HCN1: variants seen among roughly 807,000 people sequenced by gnomAD.
The protein encoded by HCN1 is potassium/sodium hyperpolarization-activated cyclic nucleotide-gated channel 1.
Under a neutral mutation model 78.9 loss-of-function variants are expected in HCN1, and 13 were observed. That is an observed-to-expected ratio of 0.16 (90% CI 0.11 to 0.26). The LOEUF (loss-of-function observed/expected upper bound fraction) is 0.26. HCN1 is among the 10% of genes least tolerant of loss of function. The pLI is 1.00. For synonymous variants in HCN1, 552 were observed against 455.5 expected, an observed-to-expected ratio of 1.21 and a Z score of -2.70; for missense variants, 810 against 1,154.3, an observed-to-expected ratio of 0.70 and a Z score of 4.32.
chr5:45,585,164 C>T (rs1414196515), intron 2 of HCN1, among the ~76,000 whole-genome samples: 1 of 152,214 alleles, frequency 6.6e-6, no homozygotes, highest in African/African-American at 2.4e-5. Context: ...TTCAGGTACA[C>T]CAATCAGATG....
rs190451998 is a variant in HCN1 at position 45,398,640 on chromosome 5, C to A, written c.1012-1930G>T. 2.7e-3 allele frequency among the ~76,000 whole-genome samples: 408 copies of A among 152,116 alleles called. 2 individuals carry two copies. Among genetic ancestry groups the A allele is most frequent in the African/African-American group, 9.1e-3 (377 of 41,508 alleles). ...TGATATTTCCTGTAACTTGTCAAGG[C>A]CGTGCAAAAAATTGAAAGTAGTTTC... On this transcript the variant is annotated intron_variant, in intron 3 of 7. Transcript: ENST00000303230.
At chr5:45,664,915 G>A (rs1193664159) in intron 1 of HCN1, among the ~76,000 whole-genome samples, 4 of 151,870 alleles carry the variant, frequency 2.6e-5, no homozygotes, top group African/African-American at 9.7e-5. Flanking sequence ...TCTAGAACTA[G>A]AAATACCATT....
intron 2 of HCN1, among the ~76,000 whole-genome samples, chr5:45,582,657 T>G (rs190456857): frequency 3.3e-5 from 5 of 152,192 alleles, no homozygotes; most frequent in Admixed American, 1.3e-4. Flanking sequence ...GGCTGTGGGT[T>G]TGTCATAGAT....
chr5:45,589,581 T>C lies in HCN1; in HGVS notation c.849+55604A>G, dbSNP rs57141339. Among the ~76,000 whole-genome samples the C allele has an allele frequency of 8.6e-3, 1,313 of 152,270 alleles. 27 individuals carry two copies. Among genetic ancestry groups the C allele is most frequent in the African/African-American group, 0.031 (1,286 of 41,550 alleles). On this transcript the variant is annotated intron_variant, in intron 2 of 7. Transcript: ENST00000303230. ...TGAACAAAATTATGACCAATGATCATAAATAGAATGAATAGGAGATGGCAG... is the reference window on the plus strand; with the variant it reads ...TGAACAAAATTATGACCAATGATCACAAATAGAATGAATAGGAGATGGCAG...
intron 5 of HCN1, among the ~76,000 whole-genome samples, chr5:45,340,672 C>T (rs1332517092): frequency 2.0e-5 from 3 of 151,804 alleles, no homozygotes; most frequent in Non-Finnish European, 4.4e-5. Flanking sequence ...ACAACTGATA[C>T]CAGGGTCTTC....
intron 2 of HCN1, among the ~76,000 whole-genome samples, chr5:45,517,647 C>T (rs1314985146): frequency 6.6e-6 from 1 of 151,544 alleles, no homozygotes. Flanking sequence ...AAAATATCGG[C>T]TTTGAGCTTC....
chr5:45,472,724 T>C (rs559010058), intron 2 of HCN1, among the ~76,000 whole-genome samples: 3 of 152,108 alleles, frequency 2.0e-5, no homozygotes, highest in African/African-American at 4.8e-5. Flanking sequence ...TTTGTGACTA[T>C]AGAATAGGGC....
chr5:45,307,388 A>G (rs1327484812), intron 5 of HCN1, among the ~76,000 whole-genome samples: 1 of 152,102 alleles, frequency 6.6e-6, no homozygotes, highest in Non-Finnish European at 1.5e-5. Context: ...TACAATAAGG[A>G]AAAGAGGGGA....
intron 3 of HCN1, among the ~76,000 whole-genome samples, chr5:45,429,888 G>C (rs189131520): frequency 7.7e-4 from 117 of 152,210 alleles, no homozygotes; most frequent in Middle Eastern, 3.4e-3. Flanking sequence ...GGGCATAGGG[G>C]AGAAGTGGTG....
chr5:45,484,030 A>G (rs1368099454), intron 2 of HCN1, among the ~76,000 whole-genome samples: 1 of 152,172 alleles, frequency 6.6e-6, no homozygotes, highest in Non-Finnish European at 1.5e-5. Context: ...GCTTTAAAAT[A>G]TAGTTTGAAA....
intron 2 of HCN1, among the ~76,000 whole-genome samples, chr5:45,508,656 CTCATT>C (rs1198908897): frequency 1.3e-5 from 2 of 152,110 alleles, no homozygotes; most frequent in South Asian, 2.1e-4. Context: ...TTTCAAGCAT[CTCATT>C]TCAAGTCAGA....
intron 2 of HCN1, among the ~76,000 whole-genome samples, chr5:45,547,196 T>C (rs1205253828): frequency 1.3e-5 from 2 of 151,972 alleles, no homozygotes; most frequent in Non-Finnish European, 2.9e-5. Flanking sequence ...TCCAACTATA[T>C]TGACAGAATA....
chr5:45,376,549 A>T (rs1163106436), intron 4 of HCN1, among the ~76,000 whole-genome samples: 1 of 151,126 alleles, frequency 6.6e-6, no homozygotes, highest in Non-Finnish European at 1.5e-5. Flanking sequence ...AAACAAAACA[A>T]TCTTCTAAAA....
intron 2 of HCN1, among the ~76,000 whole-genome samples, chr5:45,599,566 A>T (rs1317933814): frequency 6.6e-6 from 1 of 152,148 alleles, no homozygotes; most frequent in Non-Finnish European, 1.5e-5. Context: ...CCTCTTTCAG[A>T]TAAAAACTGC....
At chr5:45,548,921 T>G (rs2111848866) in intron 2 of HCN1, among the ~76,000 whole-genome samples, 1 of 151,228 alleles carries the variant, frequency 6.6e-6, no homozygotes, top group Admixed American at 6.6e-5. Flanking sequence ...ATAAAATACC[T>G]AGGAATCCAA....
chr5:45,456,551 G>T (rs1741033797), intron 3 of HCN1, among the ~76,000 whole-genome samples: 1 of 151,764 alleles, frequency 6.6e-6, no homozygotes, highest in African/African-American at 2.4e-5. Context: ...CTTGACTTGG[G>T]TTAAATTATT....
intron 5 of HCN1, among the ~76,000 whole-genome samples, chr5:45,328,643 G>T (rs1383585700): frequency 6.6e-6 from 1 of 151,620 alleles, no homozygotes; most frequent in African/African-American, 2.4e-5. Context: ...TCCCAAAGGA[G>T]ATTTCATCCC....
chr5:45,453,907 T>A (rs1579905349), intron 3 of HCN1, among the ~76,000 whole-genome samples: 1 of 152,164 alleles, frequency 6.6e-6, no homozygotes, highest in Non-Finnish European at 1.5e-5. Flanking sequence ...AAATACTTTT[T>A]TTTCTTCAAC....
chr5:45,638,106 A>G (rs1446706087), intron 2 of HCN1, among the ~76,000 whole-genome samples: 1 of 152,178 alleles, frequency 6.6e-6, no homozygotes, highest in East Asian at 1.9e-4. Flanking sequence ...TAGAATCAGT[A>G]GGACTTGGTT....
Sources: allele counts gnomAD v4.1 joint callset (sites outside exome capture counted in the v4.1 genomes callset), GRCh38; gene constraint gnomAD v4.1.1; transcripts MANE v1.5; gene names NCBI Gene and HGNC (gene_info 2026-07-23, HGNC 2026-07-21).